The following NDUFA5 variants were observed in gnomAD, a reference collection of about 807,000 sequenced individuals.
NDUFA5 encodes the protein NADH:ubiquinone oxidoreductase subunit A5.
NDUFA5 carries 11 observed loss-of-function variants against 19.8 expected under a neutral mutation model. The ratio of observed to expected loss-of-function variants is 0.56; its 90% CI spans 0.35 to 0.92. The LOEUF is 0.92. Among genes scored for constraint, NDUFA5 ranks in the 40% least tolerant of loss-of-function variants. NDUFA5 has a pLI of 0.01. For synonymous variants in NDUFA5, 47 were observed against 46.8 expected (o/e 1.00, Z -0.01); for missense variants, 109 against 134.2 (o/e 0.81, Z 0.93).
the NDUFA5 span, among the ~76,000 whole-genome samples, chr7:123,569,743 A>C: frequency 1.3e-5 from 2 of 152,236 alleles, no homozygotes; most frequent in Non-Finnish European, 2.9e-5. Flanking sequence ...CATATCTTAA[A>C]TGCATAGTGT....
chr7:123,600,167 A>G, the NDUFA5 span, among the ~76,000 whole-genome samples: 3 of 152,160 alleles, frequency 2.0e-5, no homozygotes, highest in Admixed American at 6.5e-5. Flanking sequence ...CAGATAAATA[A>G]TCTCAAAAAT....
chr7:123,558,101 C>T (rs1326946818), upstream of NDUFA5: 9 of 519,574 alleles, frequency 1.7e-5, no homozygotes, highest in Non-Finnish European at 3.1e-5. Context: ...ACACTCCCAA[C>T]TACCAAAAAA....
At chr7:123,555,699 T>G (rs1798512164) in intron 2 of NDUFA5, 1 of 152,238 alleles carries the variant, frequency 6.6e-6, no homozygotes, top group South Asian at 2.1e-4. Flanking sequence ...GAGCACATAC[T>G]ATGTGACAGA....
chr7:123,542,514 A>T (rs1797977299), intron 4 of NDUFA5, among the ~76,000 whole-genome samples: 1 of 152,216 alleles, frequency 6.6e-6, no homozygotes, highest in Non-Finnish European at 1.5e-5. Context: ...TTTTTTGAGC[A>T]TCAGAAGTAT....
the NDUFA5 span, chr7:123,596,447 G>GA: frequency 6.6e-6 from 1 of 151,322 alleles, no homozygotes; most frequent in East Asian, 1.9e-4. Context: ...CTCTACAAAA[G>GA]AAATAAAAAA....
At chr7:123,589,253 C>A in the NDUFA5 span, among the ~76,000 whole-genome samples, 1 of 151,190 alleles carries the variant, frequency 6.6e-6, no homozygotes, top group African/African-American at 2.4e-5. Flanking sequence ...TTGTTATTTT[C>A]TCTTGATAAA....
chr7:123,575,452 T>C, the NDUFA5 span, among the ~76,000 whole-genome samples: 8 of 152,114 alleles, frequency 5.3e-5, no homozygotes, highest in Admixed American at 4.6e-4. Context: ...CACAATTAAA[T>C]CATACACAAT....
rs1375459734 is a variant in NDUFA5, at chr7:123,550,388, G to A, written c.183+82C>T. 6 of 772,188 alleles carry A rather than the reference G, an allele frequency of 7.8e-6. No individual in the cohort carries two copies. In the East Asian group the frequency reaches 1.3e-4, roughly 16 times the overall value. The allele number at this position is 772,188 out of a possible 1,614,324, so 47.8% of individuals were successfully genotyped here. A position where few individuals can be genotyped will look rare whatever the true frequency, so the allele number is the denominator to read the frequency against. ...CAAGGAAGGAGAATAGAAGAAAAGT[G>A]TGTCGAATATATAAAAAATAAGGAA... On this transcript the variant is annotated intron_variant, in intron 3 of 4. Coordinates refer to ENST00000355749, the MANE Select transcript of NDUFA5 (RefSeq NM_005000.5).
the NDUFA5 span, among the ~76,000 whole-genome samples, chr7:123,568,305 G>A: frequency 1.3e-5 from 2 of 152,046 alleles, no homozygotes; most frequent in Non-Finnish European, 2.9e-5. Flanking sequence ...CTGAGGTTGG[G>A]AGTTTGAGAC....
chr7:123,567,516 T>G, the NDUFA5 span, among the ~76,000 whole-genome samples: 2 of 152,168 alleles, frequency 1.3e-5, no homozygotes, highest in African/African-American at 2.4e-5. Context: ...CTACGCTGCT[T>G]CTCAGTGATG....
the NDUFA5 span, among the ~76,000 whole-genome samples, chr7:123,568,703 G>A: frequency 1.3e-5 from 2 of 151,938 alleles, no homozygotes; most frequent in South Asian, 4.2e-4. Context: ...TGTCTAAGGA[G>A]ATAAAAACTA....
At chr7:123,582,856 C>T in the NDUFA5 span, among the ~76,000 whole-genome samples, 90 of 151,960 alleles carry the variant, frequency 5.9e-4, no homozygotes, top group East Asian at 0.017. Context: ...ACATACTTGG[C>T]AAATAAATGA....
chr7:123,570,655 C>T, the NDUFA5 span, among the ~76,000 whole-genome samples: 2 of 152,154 alleles, frequency 1.3e-5, no homozygotes, highest in Non-Finnish European at 2.9e-5. Flanking sequence ...AGCAGAATAG[C>T]CCTAAAGAAT....
At chr7:123,573,798 C>T in the NDUFA5 span, among the ~76,000 whole-genome samples, 1 of 152,018 alleles carries the variant, frequency 6.6e-6, no homozygotes, top group East Asian at 1.9e-4. Context: ...AGCTTTGTAG[C>T]TTCAATCATT....
At chr7:123,584,016 T>A in the NDUFA5 span, among the ~76,000 whole-genome samples, 1 of 151,986 alleles carries the variant, frequency 6.6e-6, no homozygotes, top group African/African-American at 2.4e-5. Flanking sequence ...GCCCCGGAGT[T>A]CATCCCTTAA....
At chr7:123,558,328 T>A (rs1291131579), upstream of NDUFA5, 1 of 155,068 alleles carries the variant, frequency 6.4e-6, no homozygotes, top group Non-Finnish European at 1.4e-5. Context: ...CATCGCTCTT[T>A]TCGATTTCAC....
chr7:123,578,824 T>A, the NDUFA5 span, among the ~76,000 whole-genome samples: 3 of 152,158 alleles, frequency 2.0e-5, no homozygotes, highest in African/African-American at 4.8e-5. Context: ...TTTCCCCTAT[T>A]TTTGTCAATC....
At chr7:123,556,892 T>C (rs756648614) in intron 2 of NDUFA5, 2 of 512,446 alleles carry the variant, frequency 3.9e-6, no homozygotes, top group Admixed American at 2.0e-5. Context: ...GATAACTCTT[T>C]TGAGTTATCT....
chr7:123,558,395 T>G (rs1337404850), upstream of NDUFA5: 2 of 152,604 alleles, frequency 1.3e-5, no homozygotes, highest in Non-Finnish European at 2.9e-5. Flanking sequence ...ATACCACTTT[T>G]TCCTACCTCC....
Sources: allele counts gnomAD v4.1 joint callset (sites outside exome capture counted in the v4.1 genomes callset), GRCh38; gene constraint gnomAD v4.1.1; transcripts MANE v1.5; gene names NCBI Gene and HGNC (gene_info 2026-07-23, HGNC 2026-07-21).